THSD7A: variants seen among roughly 807,000 people sequenced by gnomAD.
THSD7A encodes the protein thrombospondin type 1 domain containing 7A, also known as thrombospondin type-1 domain-containing protein 7A.
A neutral mutation model predicts 231.3 loss-of-function variants in THSD7A; 96 were observed. That is an observed-to-expected ratio of 0.41 (90% CI 0.35 to 0.49). The LOEUF (loss-of-function observed/expected upper bound fraction) is 0.49, where lower values mean the gene tolerates loss of function less well. THSD7A is among the 20% of genes least tolerant of loss of function. The pLI is 0.05. For missense variants in THSD7A, 2,290 were observed against 2,070.2 expected, an observed-to-expected ratio of 1.11 and a Z score of -2.06; for synonymous variants, 940 against 743.3, an observed-to-expected ratio of 1.26 and a Z score of -4.30.
intron 4 of THSD7A, among the ~76,000 whole-genome samples, chr7:11,556,244 G>C (rs10265301): frequency 0.13 from 19,504 of 151,104 alleles, 2,459 homozygotes; most frequent in African/African-American, 0.32. Context: ...AGTGTTTGCT[G>C]TAGATATTAC....
intron 1 of THSD7A, among the ~76,000 whole-genome samples, chr7:11,664,325 T>G (rs1033920029): frequency 6.6e-6 from 1 of 151,922 alleles, no homozygotes; most frequent in African/African-American, 2.4e-5. Context: ...GTAGACTTGG[T>G]ACTAGATAGA....
chr7:11,809,568 G>T (rs1457622341), intron 1 of THSD7A, among the ~76,000 whole-genome samples: 5 of 152,142 alleles, frequency 3.3e-5, no homozygotes, highest in Non-Finnish European at 5.9e-5. Flanking sequence ...GCTTTGGAAT[G>T]TATGAAATTT....
intron 1 of THSD7A, among the ~76,000 whole-genome samples, chr7:11,745,323 A>G (rs4506091): frequency 0.22 from 32,860 of 151,794 alleles, 5,021 homozygotes; most frequent in African/African-American, 0.43. Flanking sequence ...GTTTGAGTTC[A>G]TTGTGGATTC....
intron 1 of THSD7A, among the ~76,000 whole-genome samples, chr7:11,804,154 C>A (rs1784344932): frequency 6.6e-6 from 1 of 151,870 alleles, no homozygotes. Flanking sequence ...TAAAGACTAC[C>A]TATCATTAAT....
At chr7:11,535,811 A>G (rs1020333378) in intron 6 of THSD7A, among the ~76,000 whole-genome samples, 5 of 152,260 alleles carry the variant, frequency 3.3e-5, no homozygotes, top group Admixed American at 6.5e-5. Flanking sequence ...AGTTCCATAG[A>G]TATTTGAATT....
Position 11,724,952 on chromosome 7 carries a change from G to A in THSD7A, c.191-87991C>T, listed in dbSNP as rs990892900. Reference sequence around the variant, plus strand: ...CTTCTTCTTCTTCTTCTTCTTCTTCGTTTTTTTAATTCTTATGGATAACTC... The same window carrying A: ...CTTCTTCTTCTTCTTCTTCTTCTTCATTTTTTTAATTCTTATGGATAACTC... On this transcript the variant is annotated intron_variant, in intron 1 of 27. Transcript: ENST00000423059. Among the ~76,000 whole-genome samples the A allele has an allele frequency of 5.3e-5, 8 of 150,626 alleles. No homozygotes were observed. The South Asian group carries it at 6.3e-4, about 12-fold the overall frequency.
intron 4 of THSD7A, among the ~76,000 whole-genome samples, chr7:11,565,709 G>T (rs1790283935): frequency 2.0e-5 from 3 of 152,272 alleles, no homozygotes; most frequent in Middle Eastern, 3.4e-3. Context: ...GTTTCCTCTT[G>T]TTCTAGAACC....
chr7:11,771,831 C>G lies in THSD7A; in HGVS notation c.190+59926G>C, dbSNP rs1183626874. Among the ~76,000 whole-genome samples, 3 of 152,156 alleles carry G rather than the reference C, an allele frequency of 2.0e-5. No homozygotes were observed. In the East Asian group the frequency reaches 5.8e-4, roughly 29 times the overall value. ...TCTTTCATGAATGGTTTAGCACCAT[C>G]TCCTTGCTGCTGTTCTTGTGACGGT... On this transcript the variant is annotated intron_variant, in intron 1 of 27. Transcript: ENST00000423059.
intron 23 of THSD7A, among the ~76,000 whole-genome samples, chr7:11,388,609 GTATC>G (rs1255172270): frequency 1.3e-5 from 2 of 151,970 alleles, no homozygotes; most frequent in African/African-American, 2.4e-5. Flanking sequence ...GGCTAGCAGT[GTATC>G]TATTTTGTTG....
intron 6 of THSD7A, among the ~76,000 whole-genome samples, chr7:11,486,992 T>G (rs1392507931): frequency 1.3e-5 from 2 of 152,208 alleles, no homozygotes; most frequent in Non-Finnish European, 2.9e-5. Context: ...GGTTTATTTT[T>G]GTAAACTCAA....
intron 6 of THSD7A, among the ~76,000 whole-genome samples, chr7:11,512,696 C>T (rs928307002): frequency 1.4e-5 from 2 of 144,908 alleles, no homozygotes; most frequent in East Asian, 4.1e-4. Flanking sequence ...CCAAACACCA[C>T]ATGTTCTCAC....
chr7:11,823,626 T>A (rs1338303182), intron 1 of THSD7A, among the ~76,000 whole-genome samples: 1 of 152,172 alleles, frequency 6.6e-6, no homozygotes, highest in South Asian at 2.1e-4. Flanking sequence ...CATTGACAAT[T>A]TCTTTCATCA....
intron 1 of THSD7A, among the ~76,000 whole-genome samples, chr7:11,723,928 T>C (rs1448887339): frequency 6.6e-6 from 1 of 151,902 alleles, no homozygotes; most frequent in Non-Finnish European, 1.5e-5. Flanking sequence ...GGGAAGCTAC[T>C]GGATGGTTTC....
rs938073564 is a variant in THSD7A, at chr7:11,424,877, G to A, written c.3250-48C>T. 33 of 1,609,140 alleles carry A rather than the reference G, an allele frequency of 2.1e-5. No homozygotes were observed. In the Admixed American group the frequency reaches 3.2e-4, roughly 16 times the overall value. On this transcript the variant is annotated intron_variant, in intron 15 of 27. Coordinates refer to ENST00000423059, the MANE Select transcript of THSD7A (RefSeq NM_015204.3). ...CAATCTCAGGGAATCTGGTAAGAGT[G>A]AGGAGGAAGACTTCCACACCATAAC... is the stretch of plus-strand genomic sequence containing the variant.
rs1780203361 is a variant in THSD7A, at chr7:11,690,601, G to T, written c.191-53640C>A. Among the ~76,000 whole-genome samples, 6 of 151,668 alleles carry T rather than the reference G, an allele frequency of 4.0e-5. No homozygotes were observed. In the South Asian group the frequency reaches 1.2e-3, roughly 31 times the overall value. ...AAGCTTGAGACAGACTTGCTTTGTG[G>T]AGGACTCTTGCTCCAGGGAAGCTAT... On this transcript the variant is annotated intron_variant, in intron 1 of 27. Coordinates refer to ENST00000423059, the MANE Select transcript of THSD7A (RefSeq NM_015204.3).
chr7:11,776,273 A>G (rs1783403047), intron 1 of THSD7A, among the ~76,000 whole-genome samples: 1 of 152,216 alleles, frequency 6.6e-6, no homozygotes, highest in South Asian at 2.1e-4. Flanking sequence ...TTGTAGAAGT[A>G]GCTATTCTTA....
In THSD7A at chr7:11,424,802, C is replaced by T. The variant is rs1784265315; in HGVS notation, c.3277G>A (p.Asp1093Asn). ...GTGACCCATAGGTACTGGTTGCAGT[C>T]ACTGTGGCATGGGACAACCTCATAC... ...QVYEVVPCHS[D>N]CNQYLWVTEP... is the part of the protein sequence containing the mutation. The change falls in exon 16 of 28, where the codon GAC becomes AAC. Residue 1093 changes from aspartate to asparagine, a missense_variant. Physicochemically the swap from Asp to Asn is conservative, Grantham distance 23. Coordinates refer to ENST00000423059, the MANE Select transcript of THSD7A (RefSeq NM_015204.3). 6.2e-7 allele frequency: 1 copy of T among 1,613,978 alleles called. No individual in the cohort carries two copies. The highest frequency in any genetic ancestry group is 1.1e-5 in the South Asian group (1 of 91,070).
chr7:11,653,191 T>C (rs964621600), intron 1 of THSD7A, among the ~76,000 whole-genome samples: 2 of 152,078 alleles, frequency 1.3e-5, no homozygotes, highest in East Asian at 1.9e-4. Context: ...ATAGTTATTG[T>C]ATTTTTGTTT....
chr7:11,636,688 A>G lies in THSD7A; in HGVS notation c.464T>C (p.Val155Ala), dbSNP rs957928810. ...TTTCTGGATGCACGCTATCTCCCTC[A>G]CCTGAATACCTTCTTCCCCCTTAAT... ...ECIKGEEGIQVREIACIQKDK... is the reference protein window; with the variant it reads ...ECIKGEEGIQAREIACIQKDK... Residue 155 changes from valine (V) to alanine (A), a missense_variant, in exon 2 of 28, where the codon GTG becomes GCG. Physicochemically the swap from Val to Ala is moderately conservative, Grantham distance 64. Coordinates refer to ENST00000423059, the MANE Select transcript of THSD7A (RefSeq NM_015204.3). The surrounding 1 kb of genome is among the most constrained non-coding windows in gnomAD (Gnocchi z 10.0). The G allele has an allele frequency of 6.2e-7, 1 of 1,613,890 alleles. No homozygotes were observed. The highest frequency in any genetic ancestry group is 1.1e-5 in the South Asian group (1 of 91,084).
Sources: allele counts gnomAD v4.1 joint callset (sites outside exome capture counted in the v4.1 genomes callset), GRCh38; gene constraint gnomAD v4.1.1; non-coding constraint Gnocchi (gnomAD v3.1); transcripts MANE v1.5; gene names NCBI Gene and HGNC (gene_info 2026-07-23, HGNC 2026-07-21).